The following DHX30 variants were observed in gnomAD, a reference collection of about 807,000 sequenced individuals.
DHX30 encodes the protein ATP-dependent RNA helicase DHX30.
DHX30 carries 4 observed loss-of-function variants against 116.9 expected under a neutral mutation model. That is an observed-to-expected ratio of 0.03 (90% CI 0.02 to 0.08). The LOEUF is 0.08. DHX30 is among the 10% of genes least tolerant of loss of function. The pLI is 1.00. For missense variants in DHX30, 871 were observed against 1,595.1 expected (o/e 0.55, Z 7.73); for synonymous variants, 697 against 651.7 (o/e 1.07, Z -1.06).
Position 47,847,724 on chromosome 3 carries a change from CA to C in DHX30, c.2111-56del, listed in dbSNP as rs1473598046. The stretch of plus-strand genomic sequence containing the variant: ...CAAAATCCTTGCCCTGCCCACATTC[CA>C]GGGGGGAATTCTGGTGGAAGCAGTG... On this transcript the variant is annotated intron_variant, in intron 13 of 21. Transcript: ENST00000445061. The surrounding 1 kb of genome is among the most constrained non-coding windows in gnomAD (Gnocchi z 5.5). 1 of 1,578,246 alleles carries C rather than the reference CA, an allele frequency of 6.3e-7. No homozygotes were observed. Among genetic ancestry groups the C allele is most frequent in the African/African-American group, 1.3e-5 (1 of 74,216 alleles).
intron 6 of DHX30, among the ~76,000 whole-genome samples, chr3:47,838,137 C>T (rs772747849): frequency 6.6e-6 from 1 of 152,158 alleles, no homozygotes; most frequent in South Asian, 2.1e-4. Flanking sequence ...GAGGCGGTGA[C>T]GCAAAAGTGT....
At chr3:47,827,989 G>C (rs577473268) in intron 5 of DHX30, among the ~76,000 whole-genome samples, 13 of 152,020 alleles carry the variant, frequency 8.6e-5, no homozygotes, top group African/African-American at 3.1e-4. Flanking sequence ...CTCCAAAGTA[G>C]CTGGGACTAC....
At chr3:47,835,234 C>G (rs1015010898) in intron 6 of DHX30, among the ~76,000 whole-genome samples, 2 of 147,488 alleles carry the variant, frequency 1.4e-5, no homozygotes, top group African/African-American at 5.1e-5. Context: ...AGTGCAGTGG[C>G]GCAATCTCAA....
At chr3:47,826,823 TACGG>T (rs1179536778) in intron 4 of DHX30, among the ~76,000 whole-genome samples, 2 of 152,212 alleles carry the variant, frequency 1.3e-5, no homozygotes, top group African/African-American at 4.8e-5. Flanking sequence ...TGTGCTTAGA[TACGG>T]TTGAGAGCTG....
chr3:47,827,921 C>T (rs1344084556), intron 5 of DHX30, among the ~76,000 whole-genome samples: 1 of 152,044 alleles, frequency 6.6e-6, no homozygotes, highest in East Asian at 1.9e-4. Flanking sequence ...TGCAGTGGCA[C>T]AATCATAACT....
chr3:47,804,577 C>T (rs2035437612), intron 1 of DHX30, among the ~76,000 whole-genome samples: 1 of 152,066 alleles, frequency 6.6e-6, no homozygotes, highest in Non-Finnish European at 1.5e-5. Context: ...AAACAAAAAC[C>T]ACACACAAGT....
chr3:47,841,031 G>C lies in DHX30; in HGVS notation c.521G>C (p.Arg174Pro). The C allele has an allele frequency of 8.1e-6, 13 of 1,614,132 alleles. No individual in the cohort carries two copies. The highest frequency in any genetic ancestry group is 1.1e-5 in the Non-Finnish European group (13 of 1,180,016). ...SWRQLNPESI[R>P]PGGPGGLSRS... The stretch of plus-strand genomic sequence containing the variant: ...CGGCAGCTGAATCCAGAGAGTATTC[G>C]ACCAGGGGGACCTGGGGGCCTATCC... The change falls in exon 7 of 22, where the codon CGA (arginine) becomes CCA (proline). Residue 174 changes from arginine to proline, a missense_variant. Coordinates refer to ENST00000445061, the MANE Select transcript of DHX30 (RefSeq NM_138615.3).
chr3:47,833,978 C>CT (rs1273877586), intron 6 of DHX30, among the ~76,000 whole-genome samples: 3 of 152,162 alleles, frequency 2.0e-5, no homozygotes, highest in African/African-American at 7.2e-5. Context: ...ATATATGTAA[C>CT]TTTACATCCT....
At chr3:47,806,595 A>G (rs1373507224) in intron 2 of DHX30, among the ~76,000 whole-genome samples, 23 of 151,540 alleles carry the variant, frequency 1.5e-4, no homozygotes, top group South Asian at 2.1e-4. Context: ...ACAGGCGTGC[A>G]CCACCACGCC....
chr3:47,834,024 C>T (rs1490330822), intron 6 of DHX30, among the ~76,000 whole-genome samples: 1 of 152,172 alleles, frequency 6.6e-6, no homozygotes, highest in Non-Finnish European at 1.5e-5. Flanking sequence ...TTTCTTCCTG[C>T]CCCTGGTAAC....
At chr3:47,807,365 A>G (rs1424975889) in intron 2 of DHX30, among the ~76,000 whole-genome samples, 2 of 152,036 alleles carry the variant, frequency 1.3e-5, no homozygotes, top group African/African-American at 4.8e-5. Context: ...AGAATGGTAC[A>G]TGAGCCTAAA....
At chr3:47,827,576 T>G in intron 5 of DHX30, 99 bp downstream of exon 5, 1 of 1,458,080 alleles carries the variant, frequency 6.9e-7, no homozygotes, top group South Asian at 1.3e-5. Context: ...GGCCATAGAA[T>G]GGGTTTCCTG....
chr3:47,803,735 G>A (rs1213727879), intron 1 of DHX30, among the ~76,000 whole-genome samples: 1 of 152,210 alleles, frequency 6.6e-6, no homozygotes, highest in Non-Finnish European at 1.5e-5. Flanking sequence ...CAAGGGGTGA[G>A]GTATTCTTTG....
intron 1 of DHX30, 44 bp from the exon 2 acceptor site, chr3:47,805,282 C>T (rs1413082114): frequency 3.0e-5 from 12 of 398,826 alleles, no homozygotes; most frequent in Non-Finnish European, 5.3e-5. Flanking sequence ...ACTTTCTTTC[C>T]CTATGGGGCC....
chr3:47,833,874 AT>A lies in DHX30; in HGVS notation c.366+4741del, dbSNP rs544073425. 4.3e-3 allele frequency among the ~76,000 whole-genome samples: 653 copies of A among 152,154 alleles called. 7 individuals carry two copies. The highest frequency in any genetic ancestry group is 0.014 in the Admixed American group (219 of 15,258). On this transcript the variant is annotated intron_variant, in intron 6 of 21. Coordinates refer to ENST00000445061, the MANE Select transcript of DHX30 (RefSeq NM_138615.3). ...ACTCCATCTCCAAAAAAGAAAAAAAATGTATTCTCTTAGCAAATTTCCAGTT... is the reference window on the plus strand; with the variant it reads ...ACTCCATCTCCAAAAAAGAAAAAAAAGTATTCTCTTAGCAAATTTCCAGTT...
rs1462945079 is a variant in DHX30 at position 47,810,695 on chromosome 3, G to C, written c.12G>C (p.Leu4=). ...CCTCCTGGCCAGAAATGTTCAGCCTGGACTCATTCAGAAAAGGTAAGACTG... is the reference window on the plus strand; with the variant it reads ...CCTCCTGGCCAGAAATGTTCAGCCTCGACTCATTCAGAAAAGGTAAGACTG... MFS[L]DSFRKDRAQH... is the part of the protein sequence containing the mutation. The change falls in exon 3 of 22, where the codon CTG becomes CTC. Residue 4 remains leucine (L), a synonymous_variant. Transcript: ENST00000445061. 3.1e-6 allele frequency: 5 copies of C among 1,614,088 alleles called. No individual in the cohort carries two copies. In the South Asian group the frequency reaches 5.5e-5, roughly 18 times the overall value.
Position 47,846,730 on chromosome 3 carries a change from T to C in DHX30, c.1658T>C (p.Val553Ala). The C allele has an allele frequency of 6.2e-7, 1 of 1,614,032 alleles. No individual in the cohort carries two copies. The highest frequency in any genetic ancestry group is 8.5e-7 in the Non-Finnish European group (1 of 1,180,014). ...CAGAGCAACCCCAGCCTGGAGGGCG[T>C]GAGCCACGTCATCGTGGATGAGGTG... Reference protein sequence around the residue: ...KLQSNPSLEGVSHVIVDEVHE... With the variant: ...KLQSNPSLEGASHVIVDEVHE... The change falls in exon 11 of 22, where the codon GTG becomes GCG. Residue 553 changes from valine to alanine, a missense_variant. Around this residue, in one of 13 missense-constraint regions of DHX30, gnomAD observed 63 missense variants for 180.6 expected, o/e 0.35. Coordinates refer to ENST00000445061, the MANE Select transcript of DHX30 (RefSeq NM_138615.3).
intron 9 of DHX30, chr3:47,845,438 C>T (rs573185303): frequency 5.7e-5 from 14 of 245,274 alleles, no homozygotes; most frequent in African/African-American, 2.5e-4. Context: ...TTGCCTGCCT[C>T]GGCCTCCCAA....
intron 6 of DHX30, among the ~76,000 whole-genome samples, chr3:47,832,258 A>G (rs1322274958): frequency 6.6e-6 from 1 of 152,006 alleles, no homozygotes; most frequent in African/African-American, 2.4e-5. Context: ...TGGCACTGCC[A>G]TGCATTTCGT....
Sources: gnomAD v4.1 joint callset for allele counts (sites outside exome capture counted in the v4.1 genomes callset) on GRCh38, gnomAD v4.1.1 for gene constraint, gnomAD v4.1.1 regional missense constraint, Gnocchi (gnomAD v3.1) non-coding constraint, MANE v1.5 for transcripts, NCBI Gene and HGNC (gene_info 2026-07-23, HGNC 2026-07-21) for gene names.